Variants in RANBP2 observed in about 807,000 individuals in gnomAD.
The protein encoded by RANBP2 is E3 SUMO-protein ligase RanBP2.
In RANBP2, 57 loss-of-function variants were observed where a neutral mutation model predicts 303.6. The ratio of observed to expected loss-of-function variants is 0.19; its 90% CI spans 0.15 to 0.23. The LOEUF (loss-of-function observed/expected upper bound fraction) is 0.23, where lower values mean the gene tolerates loss of function less well. RANBP2 is among the 10% of genes least tolerant of loss of function. The pLI is 1.00. For synonymous variants in RANBP2, 1,167 were observed against 1,301.5 expected (o/e 0.90, Z 2.23); for missense variants, 3,138 against 3,780.8 (o/e 0.83, Z 4.46).
chr2:109,534,921 C>A, the RANBP2 span, among the ~76,000 whole-genome samples: 1 of 152,100 alleles, frequency 6.6e-6, no homozygotes, highest in Non-Finnish European at 1.5e-5. Context: ...CTGAGAAGGC[C>A]CCCTCCCCTC....
the RANBP2 span, among the ~76,000 whole-genome samples, chr2:108,802,010 C>T: frequency 1.6e-5 from 2 of 124,780 alleles, no homozygotes; most frequent in Non-Finnish European, 3.4e-5. Context: ...GTACCAGTAC[C>T]ATGCTGTTTT....
At chr2:109,062,223 A>G in the RANBP2 span, among the ~76,000 whole-genome samples, 1 of 152,208 alleles carries the variant, frequency 6.6e-6, no homozygotes, top group Non-Finnish European at 1.5e-5. Context: ...CCCTCCTCTG[A>G]GAGTCTAAAG....
the RANBP2 span, among the ~76,000 whole-genome samples, chr2:109,661,554 G>A: frequency 6.6e-6 from 1 of 152,068 alleles, no homozygotes; most frequent in Non-Finnish European, 1.5e-5. Context: ...CCAAGTAGAA[G>A]GTTCTATGGG....
the RANBP2 span, chr2:108,798,341 G>A: frequency 6.8e-7 from 1 of 1,463,936 alleles, no homozygotes; most frequent in Non-Finnish European, 9.2e-7. Flanking sequence ...AAAACCACTT[G>A]GTTAAACCAC....
At chr2:109,553,310 CG>C in the RANBP2 span, 5 of 1,347,950 alleles carry the variant, frequency 3.7e-6, no homozygotes, top group Non-Finnish European at 5.1e-6. Context: ...TTTGGGAGGC[CG>C]AGGCAGGTGG....
the RANBP2 span, among the ~76,000 whole-genome samples, chr2:109,294,763 G>A: frequency 1.3e-5 from 2 of 152,090 alleles, no homozygotes; most frequent in Non-Finnish European, 2.9e-5. Context: ...GGGCAGTCAC[G>A]ACCCGAGTGG....
chr2:109,078,110 ATATATATAGCGTG>A, the RANBP2 span, among the ~76,000 whole-genome samples: 8 of 84,018 alleles, frequency 9.5e-5, 2 homozygotes, highest in East Asian at 6.0e-3. Flanking sequence ...ATATATATAT[ATATATATAGCGTG>A]TATATATATA....
At chr2:108,834,402 T>TG in the RANBP2 span, among the ~76,000 whole-genome samples, 3 of 151,646 alleles carry the variant, frequency 2.0e-5, no homozygotes, top group Non-Finnish European at 4.4e-5. Flanking sequence ...TAGAGACAGA[T>TG]GGGGGTTTCA....
chr2:108,937,369 TGTGAGTGTGTGCATACAC>T, the RANBP2 span, among the ~76,000 whole-genome samples: 2 of 152,066 alleles, frequency 1.3e-5, no homozygotes, highest in Non-Finnish European at 2.9e-5. Context: ...AACATATGGG[TGTGAGTGTGTGCATACAC>T]GTGAGTGTAT....
chr2:108,927,170 C>A, the RANBP2 span, among the ~76,000 whole-genome samples: 1 of 152,186 alleles, frequency 6.6e-6, no homozygotes, highest in Non-Finnish European at 1.5e-5. Flanking sequence ...CGAAGGCACT[C>A]TGAGGCACGT....
At chr2:109,368,751 A>G in the RANBP2 span, among the ~76,000 whole-genome samples, 1 of 151,646 alleles carries the variant, frequency 6.6e-6, no homozygotes, top group African/African-American at 2.4e-5. Context: ...AACGAAAGAA[A>G]CAAAATTAAT....
the RANBP2 span, among the ~76,000 whole-genome samples, chr2:109,390,026 G>C: frequency 6.6e-6 from 1 of 152,088 alleles, no homozygotes; most frequent in Non-Finnish European, 1.5e-5. Context: ...AATCACTTTG[G>C]TCCTCAGGTT....
chr2:108,779,354 G>A (rs186733232), intron 25 of RANBP2, among the ~76,000 whole-genome samples: 24 of 152,018 alleles, frequency 1.6e-4, no homozygotes, highest in African/African-American at 5.3e-4. Flanking sequence ...TAGTAGAGAT[G>A]GGGTTTCGCC....
chr2:109,732,745 TC>T, the RANBP2 span: 7 of 718,590 alleles, frequency 9.7e-6, no homozygotes, highest in Admixed American at 7.2e-5. Context: ...ATGCAGGCAA[TC>T]TTGGAAACAA....
the RANBP2 span, chr2:109,545,605 C>G: frequency 6.5e-7 from 1 of 1,531,908 alleles, no homozygotes; most frequent in Non-Finnish European, 8.7e-7. Flanking sequence ...AAAACTGAAC[C>G]TAAGAATTAA....
the RANBP2 span, among the ~76,000 whole-genome samples, chr2:109,394,126 T>G: frequency 6.6e-6 from 1 of 152,198 alleles, no homozygotes; most frequent in Non-Finnish European, 1.5e-5. Flanking sequence ...TAGAACTGTT[T>G]AAAGGATGGA....
At chr2:109,544,537 CAGCAGGGTTCTCAAGTGG>C in the RANBP2 span, 1 of 983,256 alleles carries the variant, frequency 1.0e-6, no homozygotes. Context: ...TTGCAAACAA[CAGCAGGGTTCTCAAGTGG>C]AGCAGGGTGA....
At chr2:109,251,225 A>T in the RANBP2 span, among the ~76,000 whole-genome samples, 1 of 151,268 alleles carries the variant, frequency 6.6e-6, no homozygotes, top group Non-Finnish European at 1.5e-5. Flanking sequence ...CTGGTCTCGA[A>T]CTCCTTACCT....
the RANBP2 span, among the ~76,000 whole-genome samples, chr2:109,477,815 C>T: frequency 1.3e-5 from 2 of 152,164 alleles, no homozygotes; most frequent in Admixed American, 6.5e-5. Context: ...TCTCACGACC[C>T]GATCATCTCC....
Sources: gnomAD v4.1 joint callset for allele counts (sites outside exome capture counted in the v4.1 genomes callset) on GRCh38, gnomAD v4.1.1 for gene constraint, MANE v1.5 for transcripts, NCBI Gene and HGNC (gene_info 2026-07-23, HGNC 2026-07-21) for gene names.